NLRP2: variants seen among roughly 807,000 people sequenced by gnomAD.
The protein encoded by NLRP2 is NACHT, LRR and PYD domains-containing protein 2.
In NLRP2, 107 loss-of-function variants were observed where a neutral mutation model predicts 97.2. That is an observed-to-expected ratio of 1.10 (90% CI 0.94 to 1.29). The LOEUF is 1.29. Among genes scored for constraint, NLRP2 ranks in the 50% most tolerant of loss-of-function variants. The probability of loss-of-function intolerance (pLI) is 0.00; values close to 1 mark genes in which losing one functional copy is unlikely to be tolerated. For synonymous variants in NLRP2, 663 were observed against 551.5 expected (o/e 1.20, Z -2.83); for missense variants, 1,495 against 1,330.3 (o/e 1.12, Z -1.93).
intron 11 of NLRP2, among the ~76,000 whole-genome samples, 169 bp downstream of exon 11, chr19:54,994,608 C>T (rs1296370578): frequency 1.3e-5 from 2 of 151,498 alleles, no homozygotes; most frequent in Non-Finnish European, 2.9e-5. Flanking sequence ...TAGTCTATGT[C>T]TAAGTTTTTG....
At position 54,990,570 on chromosome 19, in the gene NLRP2, A is replaced by T; in HGVS notation, c.2606A>T (p.Glu869Val). The change falls in exon 10 of 13, where the codon GAG (glutamate) becomes GTG (valine). Residue 869 changes from glutamate to valine, a missense_variant. Transcript: ENST00000448584. ...DLAAVLVVSR[E>V]LTHLCLAKNP... ...GCTGCTGTGTTGGTTGTCAGCCGGG[A>T]GCTGACACACCTGTGCTTGGCCAAG... 2 of 1,613,992 alleles carry T rather than the reference A, an allele frequency of 1.2e-6. No individual in the cohort carries two copies. Among genetic ancestry groups the T allele is most frequent in the South Asian group, 2.2e-5 (2 of 91,068 alleles).
At position 54,994,427 on chromosome 19, in the gene NLRP2, TGA is replaced by T. The variant is rs199476220; in HGVS notation, c.2870_2871del (p.Arg957MetfsTer15). On this transcript the variant is annotated frameshift_variant, in exon 11 of 13. Transcript: ENST00000448584. LOFTEE classifies it high-confidence loss of function. ...GCTTTGAGGAAACCACTGTGCAACT[TGA>T]GATGTCTGTGGTGAGTTAACTTATA... 6.2e-7 allele frequency: 1 copy of T among 1,612,034 alleles called. No homozygotes were observed. The highest frequency in any genetic ancestry group is 8.5e-7 in the Non-Finnish European group (1 of 1,179,260).
chr19:54,977,949 A>G (rs8105871), intron 4 of NLRP2, 126 bp downstream of exon 4: 43 of 887,100 alleles, frequency 4.8e-5, no homozygotes, highest in Non-Finnish European at 7.5e-5. Flanking sequence ...TAATGTGCCC[A>G]CTGTCTCCTG....
intron 9 of NLRP2, 87 bp from the exon 10 acceptor site, chr19:54,990,415 G>C (rs1224473587): frequency 6.5e-6 from 9 of 1,392,182 alleles, no homozygotes; most frequent in Non-Finnish European, 7.2e-6. Context: ...ACAAGAAGGG[G>C]CTTTTGGATG....
Position 54,990,578 on chromosome 19 carries a change from C to A in NLRP2, c.2614C>A (p.His872Asn). ...GTTGGTTGTCAGCCGGGAGCTGACACACCTGTGCTTGGCCAAGAACCCCAT... is the reference window on the plus strand; with the variant it reads ...GTTGGTTGTCAGCCGGGAGCTGACAAACCTGTGCTTGGCCAAGAACCCCAT... ...AVLVVSRELTHLCLAKNPIGN... is the reference protein window; with the variant it reads ...AVLVVSRELTNLCLAKNPIGN... Residue 872 changes from histidine (H) to asparagine (N), a missense_variant, in exon 10 of 13, where the codon CAC becomes AAC. By Grantham distance (68) the His-to-Asn change is moderately conservative. Transcript: ENST00000448584. 6.2e-7 allele frequency: 1 copy of A among 1,614,150 alleles called. No homozygotes were observed. Among genetic ancestry groups the A allele is most frequent in the Non-Finnish European group, 8.5e-7 (1 of 1,180,004 alleles).
chr19:54,993,870 C>T, intron 10 of NLRP2: 1 of 301,050 alleles, frequency 3.3e-6, no homozygotes, highest in South Asian at 3.6e-5. Flanking sequence ...TGGCCACCTG[C>T]ATTCCTTGGC....
chr19:54,975,940 A>G (rs533965577), intron 3 of NLRP2, among the ~76,000 whole-genome samples: 2 of 150,676 alleles, frequency 1.3e-5, no homozygotes, highest in African/African-American at 4.9e-5. Context: ...TGGTAGGGAC[A>G]GTTTCACTAT....
chr19:54,983,135 CCT>C lies in NLRP2; in HGVS notation c.1439_1440del (p.Leu480ProfsTer45), dbSNP rs1347750482. ...AAAGGCTCGGGGTGCAGGAGTCCGA[CCT>C]CCGTCTGTTCCTGGACGGAGACATC... Reference protein sequence around the residue: ...LERLGVQESDLRLFLDGDILR... With the variant: ...LERLGVQESDXRLFLDGDILR... On this transcript the variant is annotated frameshift_variant, in exon 6 of 13. Transcript: ENST00000448584. LOFTEE classifies it high-confidence loss of function. 1 of 1,613,716 alleles carries C rather than the reference CCT, an allele frequency of 6.2e-7. No homozygotes were observed. Among genetic ancestry groups the C allele is most frequent in the East Asian group, 2.2e-5 (1 of 44,870 alleles).
At chr19:54,969,534 A>G (rs2070710776) in intron 1 of NLRP2, among the ~76,000 whole-genome samples, 1 of 152,022 alleles carries the variant, frequency 6.6e-6, no homozygotes, top group Non-Finnish European at 1.5e-5. Context: ...GGGTGCCCAT[A>G]ATCCCAGCTA....
chr19:54,968,439 C>T (rs1034236057), intron 1 of NLRP2, among the ~76,000 whole-genome samples: 2 of 151,668 alleles, frequency 1.3e-5, no homozygotes, highest in African/African-American at 4.8e-5. Flanking sequence ...ATCCTCCCAC[C>T]TCAGCCTCCT....
chr19:54,986,706 A>G (rs1388405487), intron 8 of NLRP2, among the ~76,000 whole-genome samples: 1 of 151,818 alleles, frequency 6.6e-6, no homozygotes, highest in Non-Finnish European at 1.5e-5. Flanking sequence ...ACCCGCCACC[A>G]CGCCCGGCTA....
intron 12 of NLRP2, among the ~76,000 whole-genome samples, chr19:54,999,071 C>T (rs1416120728): frequency 1.3e-5 from 2 of 148,498 alleles, no homozygotes; most frequent in Admixed American, 6.7e-5. Flanking sequence ...AGGGGCTCCT[C>T]ACTTCCCATT....
chr19:54,974,422 C>T, intron 2 of NLRP2, 78 bp from the exon 3 acceptor site: 2 of 1,019,792 alleles, frequency 2.0e-6, no homozygotes, highest in Non-Finnish European at 1.6e-6. Context: ...TTCTAAGTGT[C>T]ATCTTTTCTT....
rs139137616 is a variant in NLRP2, at chr19:54,986,135, G to A, written c.2202-16G>A. 1.8e-4 allele frequency: 292 copies of A among 1,599,734 alleles called. 2 individuals carry two copies. In the African/African-American group the frequency reaches 2.8e-3, roughly 15 times the overall value. ...TGTACACACTAAAGATTTCACTTTC[G>A]TTCTCTTTTCCCTAGGTTCAAAAAC... On this transcript the variant is annotated splice_polypyrimidine_tract_variant and intron_variant, in intron 7 of 12. Coordinates refer to ENST00000448584, the MANE Select transcript of NLRP2 (RefSeq NM_017852.5).
chr19:54,976,203 T>G (rs959642089), intron 3 of NLRP2, among the ~76,000 whole-genome samples: 14 of 151,884 alleles, frequency 9.2e-5, no homozygotes, highest in Non-Finnish European at 1.9e-4. Context: ...TATAGGTGTC[T>G]GCCACCAAGC....
rs542797958 is a variant in NLRP2, at chr19:54,966,648, C to T, written c.-18+181C>T. ...GCAAGCTCCGCCTCCCGGGTTCAGG[C>T]CATTCTCCTGCCTCAGCCTCCCGAG... On this transcript the variant is annotated intron_variant, in intron 1 of 12. Transcript: ENST00000448584. Among the ~76,000 whole-genome samples the T allele has an allele frequency of 1.8e-4, 28 of 152,064 alleles. No homozygotes were observed. The South Asian group carries it at 2.3e-3, about 12-fold the overall frequency.
Position 54,994,366 on chromosome 19 carries a change from C to T in NLRP2, c.2806C>T (p.His936Tyr). Residue 936 changes from histidine (H) to tyrosine (Y), a missense_variant, in exon 11 of 13, where the codon CAC becomes TAC. Coordinates refer to ENST00000448584, the MANE Select transcript of NLRP2 (RefSeq NM_017852.5). ...SLLCLDLGLNHIGVKGMKFLC... is the reference protein window; with the variant it reads ...SLLCLDLGLNYIGVKGMKFLC... ...GTTGTGTTTGGATCTGGGGCTGAAT[C>T]ACATAGGAGTTAAGGGAATGAAGTT... The T allele has an allele frequency of 1.2e-6, 2 of 1,614,036 alleles. No individual in the cohort carries two copies. Among genetic ancestry groups the T allele is most frequent in the Non-Finnish European group, 1.7e-6 (2 of 1,180,032 alleles).
At chr19:54,997,634 T>C in intron 12 of NLRP2, 147 bp downstream of exon 12, 1 of 878,556 alleles carries the variant, frequency 1.1e-6, no homozygotes, top group South Asian at 1.4e-5. Context: ...TGTATTTCAC[T>C]TGGAGAAACG....
intron 10 of NLRP2, chr19:54,993,533 CTTCT>C: frequency 1.3e-5 from 2 of 154,462 alleles, no homozygotes; most frequent in Non-Finnish European, 2.9e-5. Flanking sequence ...GAGCTGGTGT[CTTCT>C]GCCTGTAAGA....
Sources: allele counts gnomAD v4.1 joint callset (sites outside exome capture counted in the v4.1 genomes callset), GRCh38; gene constraint gnomAD v4.1.1; transcripts MANE v1.5; gene names NCBI Gene and HGNC (gene_info 2026-07-23, HGNC 2026-07-21).